Variants in RPTOR observed in about 807,000 individuals in gnomAD.
RPTOR encodes regulatory-associated protein of mTOR.
A neutral mutation model predicts 169.9 loss-of-function variants in RPTOR; 21 were observed. That is an observed-to-expected ratio of 0.12 (90% CI 0.09 to 0.18). The LOEUF is 0.18. Ranked by LOEUF, RPTOR falls within the 10% of genes least tolerant of loss-of-function variation. The probability of loss-of-function intolerance (pLI) is 1.00; values close to 1 mark genes in which losing one functional copy is unlikely to be tolerated. For missense variants in RPTOR, 1,133 were observed against 1,855.9 expected (o/e 0.61, Z 7.16); for synonymous variants, 732 against 753.2 (o/e 0.97, Z 0.46).
intron 9 of RPTOR, among the ~76,000 whole-genome samples, chr17:80,831,519 G>A (rs2067502997): frequency 1.3e-5 from 2 of 152,210 alleles, no homozygotes; most frequent in South Asian, 4.1e-4. Context: ...GGAAACCCCA[G>A]GCCTTCTTAG....
intron 6 of RPTOR, among the ~76,000 whole-genome samples, chr17:80,759,918 G>T (rs2066717349): frequency 6.6e-6 from 1 of 152,036 alleles, no homozygotes; most frequent in African/African-American, 2.4e-5. Flanking sequence ...TTTTTTCTGT[G>T]CATGTACATT....
intron 13 of RPTOR, among the ~76,000 whole-genome samples, chr17:80,872,801 G>T: frequency 6.6e-6 from 1 of 152,238 alleles, no homozygotes; most frequent in East Asian, 1.9e-4. Flanking sequence ...GGCCCTGGCA[G>T]GTGGAGGTAG....
intron 1 of RPTOR, among the ~76,000 whole-genome samples, chr17:80,587,696 A>G (rs918258574): frequency 6.6e-6 from 1 of 151,998 alleles, no homozygotes; most frequent in East Asian, 1.9e-4. Flanking sequence ...ATGAGATACA[A>G]TGTGATGTTT....
chr17:80,942,692 T>C (rs912049140), intron 25 of RPTOR, among the ~76,000 whole-genome samples: 2 of 152,088 alleles, frequency 1.3e-5, no homozygotes, highest in African/African-American at 2.4e-5. Context: ...AAAGGAGGAA[T>C]TGATGCCTGT....
At chr17:80,884,910 G>A in intron 16 of RPTOR, 98 bp from the exon 17 acceptor site, 3 of 1,457,908 alleles carry the variant, frequency 2.1e-6, no homozygotes, top group Non-Finnish European at 2.8e-6. Flanking sequence ...GCAAGCGCCT[G>A]TGGGGTTGGA....
At position 80,918,974 on chromosome 17, in the gene RPTOR, C is replaced by T. The variant is rs1185230213; in HGVS notation, c.2521-3750C>T. Among the ~76,000 whole-genome samples, 5 of 152,236 alleles carry T rather than the reference C, an allele frequency of 3.3e-5. No individual in the cohort carries two copies. In the East Asian group the frequency reaches 7.7e-4, roughly 24 times the overall value. ...GGGCCACAGCAACTCCAGAACCTCC[C>T]GAGCCTTCCCACACACCCGGGTCTG... On this transcript the variant is annotated intron_variant, in intron 21 of 33. Transcript: ENST00000306801.
intron 5 of RPTOR, among the ~76,000 whole-genome samples, chr17:80,736,698 G>A (rs2066436560): frequency 6.6e-6 from 1 of 152,218 alleles, no homozygotes; most frequent in Non-Finnish European, 1.5e-5. Flanking sequence ...GAATTCTGCA[G>A]CAAAAGGCAG....
intron 23 of RPTOR, 143 bp downstream of exon 23, chr17:80,923,816 C>T (rs1429269959): frequency 1.1e-6 from 1 of 931,218 alleles, no homozygotes; most frequent in Admixed American, 3.0e-5. Context: ...GTGGGCCACT[C>T]TCTGCCTTTG....
intron 1 of RPTOR, among the ~76,000 whole-genome samples, chr17:80,611,212 C>T (rs1213919276): frequency 6.6e-6 from 1 of 152,176 alleles, no homozygotes; most frequent in Admixed American, 6.5e-5. Context: ...CTTTCTGTCA[C>T]ACTTTTGTTT....
At chr17:80,697,954 G>A (rs932126674) in intron 3 of RPTOR, among the ~76,000 whole-genome samples, 1 of 152,124 alleles carries the variant, frequency 6.6e-6, no homozygotes, top group Admixed American at 6.5e-5. Context: ...GGGCACCAGG[G>A]AGATGGCAGG....
intron 2 of RPTOR, among the ~76,000 whole-genome samples, chr17:80,636,930 C>T (rs985922141): frequency 3.3e-5 from 5 of 152,230 alleles, no homozygotes; most frequent in Admixed American, 6.5e-5. Context: ...CCTTGCAGGA[C>T]GGCCGCTCAC....
At chr17:80,679,109 A>G (rs35128297) in intron 3 of RPTOR, among the ~76,000 whole-genome samples, 3 of 152,006 alleles carry the variant, frequency 2.0e-5, no homozygotes, top group African/African-American at 7.3e-5. Flanking sequence ...TGCCGGGCGC[A>G]GCGGCTACCT....
intron 4 of RPTOR, among the ~76,000 whole-genome samples, chr17:80,724,163 C>T (rs1209889289): frequency 1.3e-5 from 2 of 151,124 alleles, no homozygotes; most frequent in Admixed American, 6.6e-5. Context: ...TTCTCTGAGA[C>T]GTGGGAGGGA....
At chr17:80,841,787 A>T (rs556814493) in intron 10 of RPTOR, among the ~76,000 whole-genome samples, 1 of 122,162 alleles carries the variant, frequency 8.2e-6, no homozygotes, top group Non-Finnish European at 1.7e-5. Context: ...GCTCACTCTC[A>T]CCGCACGGCA....
chr17:80,594,784 G>A (rs1437865231), intron 1 of RPTOR, among the ~76,000 whole-genome samples: 1 of 152,196 alleles, frequency 6.6e-6, no homozygotes, highest in Non-Finnish European at 1.5e-5. Flanking sequence ...AATAACAGTG[G>A]CTGCACTGTG....
At chr17:80,617,788 T>C (rs2065322975) in intron 1 of RPTOR, among the ~76,000 whole-genome samples, 1 of 152,180 alleles carries the variant, frequency 6.6e-6, no homozygotes, top group Non-Finnish European at 1.5e-5. Context: ...CACGCAGTCC[T>C]TGGTGGGCGG....
rs952862828 is a variant in RPTOR at position 80,726,320 on chromosome 17, C to T, written c.508-4240C>T. On this transcript the variant is annotated intron_variant, in intron 4 of 33. Coordinates refer to ENST00000306801, the MANE Select transcript of RPTOR (RefSeq NM_020761.3). The surrounding 1 kb of genome is among the most constrained non-coding windows in gnomAD (Gnocchi z 4.5). ...ACGCTAGGAGGTGGAGATGGTCCAG[C>T]CCCAGCAGGACTGGGCCACGAGGAC... is the stretch of plus-strand genomic sequence containing the variant. Among the ~76,000 whole-genome samples the T allele has an allele frequency of 1.3e-5, 2 of 152,168 alleles. No individual in the cohort carries two copies. Among genetic ancestry groups the T allele is most frequent in the African/African-American group, 4.8e-5 (2 of 41,446 alleles).
chr17:80,583,669 A>G lies in RPTOR; in HGVS notation c.162+37878A>G, dbSNP rs1039665962. Among the ~76,000 whole-genome samples the G allele has an allele frequency of 2.0e-5, 3 of 152,146 alleles. No individual in the cohort carries two copies. In the South Asian group the frequency reaches 6.2e-4, roughly 32 times the overall value. On this transcript the variant is annotated intron_variant, in intron 1 of 33. Transcript: ENST00000306801. ...GTGAGGATCATCCACTGGCCTCCCA[A>G]CCCGGTAGTGAAGGGGGAATAACAA...
intron 13 of RPTOR, among the ~76,000 whole-genome samples, chr17:80,869,024 G>A (rs1445545380): frequency 1.3e-5 from 2 of 152,320 alleles, no homozygotes; most frequent in East Asian, 1.9e-4. Flanking sequence ...CTTCACAGGT[G>A]TAGACGTACG....
Sources: gnomAD v4.1 joint callset for allele counts (sites outside exome capture counted in the v4.1 genomes callset) on GRCh38, gnomAD v4.1.1 for gene constraint, Gnocchi (gnomAD v3.1) non-coding constraint, MANE v1.5 for transcripts, NCBI Gene and HGNC (gene_info 2026-07-23, HGNC 2026-07-21) for gene names.